The following PKP1 variants were observed in gnomAD, a reference collection of about 807,000 sequenced individuals.
PKP1 encodes plakophilin-1.
Under a neutral mutation model 76.4 loss-of-function variants are expected in PKP1, and 27 were observed. That is an observed-to-expected ratio of 0.35 (90% CI 0.26 to 0.49). The LOEUF (loss-of-function observed/expected upper bound fraction) is 0.49. Among genes scored for constraint, PKP1 ranks in the 20% least tolerant of loss-of-function variants. The probability of loss-of-function intolerance (pLI) is 0.99; values close to 1 mark genes in which losing one functional copy is unlikely to be tolerated. For missense variants in PKP1, 964 were observed against 955.2 expected (o/e 1.01, Z -0.12); for synonymous variants, 404 against 384.2 (o/e 1.05, Z -0.60).
chr1:201,283,572 C>T lies in PKP1; in HGVS notation c.-131C>T, dbSNP rs1655635122. 2 of 820,852 alleles carry T rather than the reference C, an allele frequency of 2.4e-6. No homozygotes were observed. Among genetic ancestry groups the T allele is most frequent in the South Asian group, 2.9e-5 (2 of 68,288 alleles). The allele number at this position is 820,852 out of a possible 1,614,324, so 50.8% of individuals were successfully genotyped here. On this transcript the variant is annotated 5_prime_UTR_variant, in exon 1 of 14. Transcript: ENST00000367324. ...AGCTGCAGGGAGCCCTCACGCGGAC[C>T]ACGCACTCTATGGCCGTAGGGAGCC...
intron 3 of PKP1, among the ~76,000 whole-genome samples, chr1:201,315,550 G>A (rs1027473575): frequency 6.6e-6 from 1 of 152,236 alleles, no homozygotes; most frequent in Non-Finnish European, 1.5e-5. Context: ...AGCAGGGCCA[G>A]TGGTGTGCCT....
rs1024735280 is a variant in PKP1, at chr1:201,319,731, G to A, written c.1233-536G>A. The A allele has an allele frequency of 1.5e-5, 20 of 1,348,340 alleles. No homozygotes were observed. In the African/African-American group the frequency reaches 2.8e-4, roughly 19 times the overall value. The allele number at this position is 1,348,340 out of a possible 1,614,324, so 83.5% of individuals were successfully genotyped here. ...GCTGGGGGCAGAACACAGCTTGGGTGGAGAGGGAGCTTCTGGTGCCCAGCC... is the reference window on the plus strand; with the variant it reads ...GCTGGGGGCAGAACACAGCTTGGGTAGAGAGGGAGCTTCTGGTGCCCAGCC... On this transcript the variant is annotated intron_variant, in intron 6 of 13. Coordinates refer to ENST00000367324, the MANE Select transcript of PKP1 (RefSeq NM_001005337.3).
At chr1:201,323,911 C>A (rs181860266) in intron 9 of PKP1, among the ~76,000 whole-genome samples, 12 of 152,266 alleles carry the variant, frequency 7.9e-5, no homozygotes, top group Non-Finnish European at 1.8e-4. Flanking sequence ...CTAGGGGACC[C>A]CAGTTCTCTC....
chr1:201,324,519 T>C lies in PKP1; in HGVS notation c.1772T>C (p.Val591Ala). The change falls in exon 10 of 14, where the codon GTG (valine) becomes GCG (alanine). Residue 591 changes from valine to alanine, a missense_variant. Transcript: ENST00000367324. ...CTGCAATCTGGCAACTCTGATGTGGTGCGGTCCGGAGCCTCCCTCCTGAGC... is the reference window on the plus strand; with the variant it reads ...CTGCAATCTGGCAACTCTGATGTGGCGCGGTCCGGAGCCTCCCTCCTGAGC... ...RLLQSGNSDV[V>A]RSGASLLSNM... 6 of 1,614,136 alleles carry C rather than the reference T, an allele frequency of 3.7e-6. No individual in the cohort carries two copies. The highest frequency in any genetic ancestry group is 5.1e-6 in the Non-Finnish European group (6 of 1,179,996).
At chr1:201,325,882 C>T (rs776721592) in intron 12 of PKP1, 44 bp downstream of exon 12, 2 of 1,475,030 alleles carry the variant, frequency 1.4e-6, no homozygotes, top group Non-Finnish European at 1.9e-6. Flanking sequence ...TCTTCCTGCT[C>T]ATGAGCAGAG....
chr1:201,320,474 A>C, intron 7 of PKP1, 93 bp downstream of exon 7: 1 of 795,786 alleles, frequency 1.3e-6, no homozygotes, highest in Non-Finnish European at 2.2e-6. Flanking sequence ...ACAAGACAGG[A>C]GCACAGACTC....
chr1:201,298,669 A>G (rs1256592366), intron 2 of PKP1, among the ~76,000 whole-genome samples: 1 of 152,220 alleles, frequency 6.6e-6, no homozygotes, highest in South Asian at 2.1e-4. Flanking sequence ...CTCCCAGAAT[A>G]TAACAAGGGA....
In PKP1 at chr1:201,313,154, T is replaced by C; in HGVS notation, c.307-12T>C. ...GAACCTTGACTGAGCTTTTCTCCCT[T>C]TCCCTGGCCAGATCTACAATGGAAC... On this transcript the variant is annotated splice_polypyrimidine_tract_variant and intron_variant, in intron 2 of 13. Coordinates refer to ENST00000367324, the MANE Select transcript of PKP1 (RefSeq NM_001005337.3). The C allele has an allele frequency of 6.2e-7, 1 of 1,609,248 alleles. No individual in the cohort carries two copies. Among genetic ancestry groups the C allele is most frequent in the Non-Finnish European group, 8.5e-7 (1 of 1,178,228 alleles).
intron 2 of PKP1, among the ~76,000 whole-genome samples, chr1:201,295,558 T>C (rs1656048157): frequency 6.6e-6 from 1 of 152,242 alleles, no homozygotes; most frequent in Admixed American, 6.5e-5. Flanking sequence ...GGCAGATCAC[T>C]GCACCAGCAG....
At chr1:201,296,724 G>T (rs892083416) in intron 2 of PKP1, among the ~76,000 whole-genome samples, 2 of 152,204 alleles carry the variant, frequency 1.3e-5, no homozygotes, top group Non-Finnish European at 2.9e-5. Flanking sequence ...CTGTACTGGA[G>T]CATAACACCA....
intron 1 of PKP1, among the ~76,000 whole-genome samples, chr1:201,285,808 T>A (rs774600571): frequency 6.6e-6 from 1 of 152,250 alleles, no homozygotes; most frequent in Non-Finnish European, 1.5e-5. Flanking sequence ...GGGGAACTTC[T>A]ATCTGATAAG....
intron 1 of PKP1, among the ~76,000 whole-genome samples, chr1:201,287,127 G>A (rs1294803848): frequency 1.3e-5 from 2 of 152,098 alleles, no homozygotes; most frequent in Non-Finnish European, 2.9e-5. Flanking sequence ...TCAGCCTTTG[G>A]CCTGAAATTC....
At chr1:201,314,331 G>A (rs762603308) in intron 3 of PKP1, among the ~76,000 whole-genome samples, 8 of 152,078 alleles carry the variant, frequency 5.3e-5, no homozygotes, top group Non-Finnish European at 8.8e-5. Context: ...GCATGGTGGC[G>A]GGTGCCTGTA....
At chr1:201,289,899 A>G (rs943215593) in intron 1 of PKP1, among the ~76,000 whole-genome samples, 3 of 152,158 alleles carry the variant, frequency 2.0e-5, no homozygotes, top group African/African-American at 7.2e-5. Flanking sequence ...GGGTTGGAGA[A>G]GAAGAGAAAG....
At chr1:201,293,424 G>A (rs974776969) in intron 1 of PKP1, among the ~76,000 whole-genome samples, 1 of 152,210 alleles carries the variant, frequency 6.6e-6, no homozygotes, top group African/African-American at 2.4e-5. Flanking sequence ...GCATGTTAGA[G>A]GTGAAAGAAT....
chr1:201,328,661 T>C (rs1571566863), intron 12 of PKP1, 101 bp from the exon 13 acceptor site: 5 of 986,300 alleles, frequency 5.1e-6, no homozygotes, highest in African/African-American at 3.2e-5. Flanking sequence ...AGAGAGGCTG[T>C]GTGAGCCGAG....
intron 2 of PKP1, among the ~76,000 whole-genome samples, chr1:201,306,994 T>C (rs1656390604): frequency 6.6e-6 from 1 of 152,186 alleles, no homozygotes; most frequent in African/African-American, 2.4e-5. Flanking sequence ...ATTTAAAAAA[T>C]TCAGGTGGCA....
intron 1 of PKP1, among the ~76,000 whole-genome samples, chr1:201,292,501 G>T (rs376375933): frequency 2.0e-5 from 3 of 152,316 alleles, no homozygotes; most frequent in African/African-American, 7.2e-5. Flanking sequence ...GGCTATGGGT[G>T]GTGACCTGGC....
chr1:201,292,381 C>A (rs991496539), intron 1 of PKP1, among the ~76,000 whole-genome samples: 2 of 152,142 alleles, frequency 1.3e-5, no homozygotes, highest in African/African-American at 4.8e-5. Flanking sequence ...AGAACCAGGA[C>A]AAATATCAAC....
Sources: allele counts gnomAD v4.1 joint callset (sites outside exome capture counted in the v4.1 genomes callset), GRCh38; gene constraint gnomAD v4.1.1; transcripts MANE v1.5; gene names NCBI Gene and HGNC (gene_info 2026-07-23, HGNC 2026-07-21).